Variants in ADGRV1 observed in about 807,000 individuals in gnomAD.
ADGRV1 encodes adhesion G protein-coupled receptor V1, also known as G-protein coupled receptor 98.
In ADGRV1, 359 loss-of-function variants were observed where a neutral mutation model predicts 596.2. The observed-to-expected ratio is 0.60, with a 90% CI of 0.55 to 0.66. ADGRV1 has a LOEUF of 0.66. Ranked by LOEUF, ADGRV1 falls within the 30% of genes least tolerant of loss-of-function variation. ADGRV1 has a pLI of 0.00. For synonymous variants in ADGRV1, 2,681 were observed against 2,679.2 expected, an observed-to-expected ratio of 1.00 and a Z score of -0.02; for missense variants, 7,274 against 7,575.6, an observed-to-expected ratio of 0.96 and a Z score of 1.48.
chr5:90,629,680 C>A, intron 9 of ADGRV1, 141 bp downstream of exon 9: 5 of 612,078 alleles, frequency 8.2e-6, no homozygotes, highest in Admixed American at 3.0e-5. Context: ...TTTAGGTAGT[C>A]GGAAGAGAGA....
intron 75 of ADGRV1, among the ~76,000 whole-genome samples, chr5:90,816,601 C>A (rs1438100261): frequency 6.8e-6 from 1 of 146,570 alleles, no homozygotes; most frequent in African/African-American, 2.5e-5. Flanking sequence ...GTGATGTTCC[C>A]CTTCCTGTGT....
At chr5:90,584,830 G>A (rs1758539605) in intron 1 of ADGRV1, among the ~76,000 whole-genome samples, 1 of 152,122 alleles carries the variant, frequency 6.6e-6, no homozygotes, top group Non-Finnish European at 1.5e-5. Flanking sequence ...TTGTTCAAGT[G>A]GCCATAGAAC....
At position 90,683,593 on chromosome 5, in the gene ADGRV1, G is replaced by A; in HGVS notation, c.5672G>A (p.Arg1891Lys). ...GYSTVTLNVI[R>K]HHGTLSPVTL... ...ATATTAAGTATTTTGTAGGTTATAA[G>A]ACATCATGGAACTCTGTCTCCAGTG... is the stretch of plus-strand genomic sequence containing the variant. The change falls in exon 28 of 90, where the codon AGA (arginine) becomes AAA (lysine). Residue 1891 changes from arginine (R) to lysine (K), a missense_variant. Arg to Lys is a conservative substitution (Grantham distance 26). Around this residue, in one of 5 missense-constraint regions of ADGRV1, gnomAD observed 3,643 missense variants for 3,809.2 expected, o/e 0.96. Transcript: ENST00000405460. The A allele has an allele frequency of 6.3e-7, 1 of 1,595,508 alleles. No homozygotes were observed. Among genetic ancestry groups the A allele is most frequent in the South Asian group, 1.1e-5 (1 of 89,854 alleles).
rs922133055 is a variant in ADGRV1, at chr5:90,724,834, G to C, written c.9751G>C (p.Gly3251Arg). The C allele has an allele frequency of 6.2e-7, 1 of 1,612,784 alleles. No individual in the cohort carries two copies. Among genetic ancestry groups the C allele is most frequent in the African/African-American group, 1.3e-5 (1 of 74,960 alleles). ...AAACCATGATTTGTGTTTTTCAGGG[G>C]GAATGGATGTTGTGTTTTCCGTATT... ...TVSETAFGMR[G>R]MDVVFSVFQS... is the part of the protein sequence containing the mutation. Residue 3251 changes from glycine (G) to arginine (R), a missense_variant and splice_region_variant, in exon 46 of 90, where the codon GGA (glycine) becomes CGA (arginine). Gly to Arg is a moderately radical substitution (Grantham distance 125). Around this residue, in one of 5 missense-constraint regions of ADGRV1, gnomAD observed 3,643 missense variants for 3,809.2 expected, o/e 0.96. Coordinates refer to ENST00000405460, the MANE Select transcript of ADGRV1 (RefSeq NM_032119.4).
intron 85 of ADGRV1, 98 bp downstream of exon 85, chr5:90,985,620 T>G: frequency 1.2e-6 from 1 of 852,116 alleles, no homozygotes; most frequent in Non-Finnish European, 1.9e-6. Context: ...AGGAAGATCT[T>G]TGCTTTTCTG....
chr5:90,727,535 C>A (rs1044815368), intron 48 of ADGRV1, among the ~76,000 whole-genome samples: 1 of 152,118 alleles, frequency 6.6e-6, no homozygotes, highest in Admixed American at 6.5e-5. Context: ...TATTAATTGA[C>A]TAATGTTATT....
intron 48 of ADGRV1, 91 bp downstream of exon 48, chr5:90,725,747 AG>A: frequency 1.3e-6 from 1 of 761,152 alleles, no homozygotes; most frequent in Non-Finnish European, 2.2e-6. Context: ...CTGCTGGTTT[AG>A]TATAAAAGAA....
At chr5:90,923,762 C>T (rs1031184579) in intron 83 of ADGRV1, among the ~76,000 whole-genome samples, 1 of 152,058 alleles carries the variant, frequency 6.6e-6, no homozygotes, top group African/African-American at 2.4e-5. Flanking sequence ...TTATATCTCC[C>T]AGTGCTATCC....
chr5:90,915,258 C>G (rs1453011605), intron 83 of ADGRV1, among the ~76,000 whole-genome samples: 1 of 152,110 alleles, frequency 6.6e-6, no homozygotes, highest in East Asian at 1.9e-4. Flanking sequence ...TTGTATAGGG[C>G]ATTATTTATT....
chr5:91,098,105 T>C (rs921738528), intron 86 of ADGRV1, among the ~76,000 whole-genome samples: 1 of 152,250 alleles, frequency 6.6e-6, no homozygotes, highest in Non-Finnish European at 1.5e-5. Flanking sequence ...TTACAAATGC[T>C]TTCTTTGGTA....
chr5:90,773,014 A>C (rs1004643203), intron 59 of ADGRV1, among the ~76,000 whole-genome samples: 1 of 152,132 alleles, frequency 6.6e-6, no homozygotes, highest in Non-Finnish European at 1.5e-5. Context: ...CTAAAAACAC[A>C]AAAATTAGCT....
intron 87 of ADGRV1, among the ~76,000 whole-genome samples, chr5:91,140,916 A>G (rs1315118227): frequency 6.6e-6 from 1 of 152,226 alleles, no homozygotes; most frequent in Non-Finnish European, 1.5e-5. Context: ...CTCAAAAGGA[A>G]AGGCTGAAGA....
At chr5:90,952,943 T>G (rs1484257084) in intron 83 of ADGRV1, among the ~76,000 whole-genome samples, 1 of 152,166 alleles carries the variant, frequency 6.6e-6, no homozygotes, top group African/African-American at 2.4e-5. Flanking sequence ...GAATATAAAT[T>G]TTAGTGTTCA....
chr5:90,636,159 G>A (rs181137750), intron 10 of ADGRV1, among the ~76,000 whole-genome samples: 128 of 131,450 alleles, frequency 9.7e-4, no homozygotes, highest in African/African-American at 3.5e-3. Context: ...CCCTCCCCTT[G>A]CCCCCACCCC....
chr5:91,040,866 A>G (rs1029187680), intron 85 of ADGRV1, among the ~76,000 whole-genome samples: 2 of 152,326 alleles, frequency 1.3e-5, no homozygotes, highest in Middle Eastern at 3.4e-3. Flanking sequence ...AATAGACTCA[A>G]TATTGCATCC....
At position 90,683,778 on chromosome 5, in the gene ADGRV1, A is replaced by G. The variant is rs1425873975; in HGVS notation, c.5857A>G (p.Ser1953Gly). ...TAAGGCATTCTCTGTGTCAGTCCTC[A>G]GTGTTTCCAGTGGTTCTTTGGGAGC... ...LDKAFSVSVL[S>G]VSSGSLGAHI... Residue 1953 changes from serine to glycine, a missense_variant, in exon 28 of 90, where the codon AGT (serine) becomes GGT (glycine). Coordinates refer to ENST00000405460, the MANE Select transcript of ADGRV1 (RefSeq NM_032119.4). 3.7e-6 allele frequency: 6 copies of G among 1,613,734 alleles called. No homozygotes were observed. The Admixed American group carries it at 1.0e-4, about 27-fold the overall frequency.
intron 85 of ADGRV1, among the ~76,000 whole-genome samples, chr5:91,039,555 C>T (rs1179580846): frequency 6.6e-6 from 1 of 152,148 alleles, no homozygotes; most frequent in Non-Finnish European, 1.5e-5. Context: ...AATCTGTTCT[C>T]CACAAGAAGA....
rs1780401677 is a variant in ADGRV1, at chr5:90,985,358, G to A, written c.17988G>A (p.Trp5996Ter). 2 of 1,609,004 alleles carry A rather than the reference G, an allele frequency of 1.2e-6. No homozygotes were observed. The highest frequency in any genetic ancestry group is 1.7e-6 in the Non-Finnish European group (2 of 1,177,274). The change falls in exon 85 of 90, where the codon TGG (tryptophan) becomes TGA (stop). Residue 5996 changes from tryptophan to a stop codon, truncating the protein, a stop_gained. Transcript: ENST00000405460. LOFTEE classifies it high-confidence loss of function. ...TTCTTCCTTAGTCTGTGAATTTCTG[G>A]TACGTGCTGGTGATGAATGATGAGC... is the stretch of plus-strand genomic sequence containing the variant. ...SWMLIQSVNF[W>*]YVLVMNDEHT...
intron 85 of ADGRV1, among the ~76,000 whole-genome samples, chr5:91,035,822 G>A (rs1382492538): frequency 1.4e-5 from 1 of 73,406 alleles, no homozygotes; most frequent in Admixed American, 1.4e-4. Context: ...TCATATGGAT[G>A]TTGTAAGTAA....
Sources: gnomAD v4.1 joint callset for allele counts (sites outside exome capture counted in the v4.1 genomes callset) on GRCh38, gnomAD v4.1.1 for gene constraint, gnomAD v4.1.1 regional missense constraint, MANE v1.5 for transcripts, NCBI Gene and HGNC (gene_info 2026-07-23, HGNC 2026-07-21) for gene names.